The following SGCD variants were observed in gnomAD, a reference collection of about 807,000 sequenced individuals.
The protein encoded by SGCD is sarcoglycan delta.
SGCD carries 18 observed loss-of-function variants against 36.6 expected under a neutral mutation model. That is an observed-to-expected ratio of 0.49 (90% confidence interval 0.34 to 0.73). SGCD has a LOEUF of 0.73. SGCD is among the 30% of genes least tolerant of loss of function. The pLI, the probability that SGCD is intolerant of heterozygous loss-of-function variation, is 0.01. For missense variants in SGCD, 387 were observed against 346.7 expected (o/e 1.12, Z -0.92); for synonymous variants, 133 against 130.6 (o/e 1.02, Z -0.12).
chr5:156,126,563 T>G (rs1762177000), intron 3 of SGCD, among the ~76,000 whole-genome samples: 1 of 152,158 alleles, frequency 6.6e-6, no homozygotes, highest in Non-Finnish European at 1.5e-5. Flanking sequence ...GATGTGCCTG[T>G]GTCTGTTCAC....
intron 3 of SGCD, among the ~76,000 whole-genome samples, chr5:156,145,653 A>G (rs996577011): frequency 5.3e-5 from 8 of 152,210 alleles, no homozygotes; most frequent in Non-Finnish European, 1.0e-4. Flanking sequence ...AGTTCTAGTA[A>G]GTATTTGGTT....
chr5:156,597,376 G>A (rs1474212935), intron 6 of SGCD, among the ~76,000 whole-genome samples: 1 of 152,114 alleles, frequency 6.6e-6, no homozygotes, highest in Non-Finnish European at 1.5e-5. Flanking sequence ...CCAAATGGCT[G>A]GAGAGGCCTC....
intron 4 of SGCD, among the ~76,000 whole-genome samples, chr5:156,550,127 AAAC>A (rs1365075996): frequency 6.6e-6 from 1 of 152,202 alleles, no homozygotes; most frequent in Non-Finnish European, 1.5e-5. Context: ...TAAAACCAGG[AAAC>A]TCTTTTATAG....
the SGCD span, among the ~76,000 whole-genome samples, chr5:155,824,732 T>C: frequency 3.3e-5 from 5 of 152,290 alleles, no homozygotes; most frequent in South Asian, 6.2e-4. Flanking sequence ...CCCAGATGCA[T>C]TACTGTAGCT....
chr5:155,969,019 T>C lies in SGCD; in HGVS notation c.-282+98595T>C, dbSNP rs541619642. On this transcript the variant is annotated intron_variant, in intron 1 of 9. Coordinates refer to the SGCD transcript ENST00000517913. ...ACATACACATCTAGGTCATTCTTTT[T>C]AAGGGCTGATAATTCATCTGTTATG... Among the ~76,000 whole-genome samples the C allele has an allele frequency of 7.2e-5, 11 of 152,272 alleles. No individual in the cohort carries two copies. In the South Asian group the frequency reaches 2.3e-3, roughly 32 times the overall value.
chr5:155,938,977 T>C (rs1236212569), intron 1 of SGCD, among the ~76,000 whole-genome samples: 1 of 152,224 alleles, frequency 6.6e-6, no homozygotes, highest in Non-Finnish European at 1.5e-5. Context: ...TATGTGAAGC[T>C]GCACTAATAG....
chr5:155,991,724 TTTA>T (rs544157133), intron 1 of SGCD, among the ~76,000 whole-genome samples: 4 of 152,214 alleles, frequency 2.6e-5, no homozygotes, highest in Non-Finnish European at 4.4e-5. Context: ...ATTATCTCAG[TTTA>T]TTATTAGAAT....
the SGCD span, among the ~76,000 whole-genome samples, chr5:155,811,332 C>T: frequency 2.0e-5 from 3 of 152,068 alleles, no homozygotes; most frequent in Non-Finnish European, 4.4e-5. Flanking sequence ...AACTAGCACC[C>T]AGTTCCATGC....
At chr5:155,788,202 T>C in the SGCD span, among the ~76,000 whole-genome samples, 1 of 152,174 alleles carries the variant, frequency 6.6e-6, no homozygotes, top group Admixed American at 6.6e-5. Flanking sequence ...TCTCAAAACA[T>C]GGTTTTTAAT....
chr5:156,718,883 TTATA>T (rs536386490), intron 7 of SGCD, among the ~76,000 whole-genome samples: 7 of 150,500 alleles, frequency 4.7e-5, no homozygotes, highest in Admixed American at 1.3e-4. Flanking sequence ...ACGTATTATA[TTATA>T]TATATATAAA....
chr5:155,992,830 AT>A (rs1758460977), intron 1 of SGCD, among the ~76,000 whole-genome samples: 1 of 152,090 alleles, frequency 6.6e-6, no homozygotes, highest in Non-Finnish European at 1.5e-5. Flanking sequence ...ATGCCTTTTT[AT>A]TTTATGTATT....
chr5:155,864,053 G>A, the SGCD span, among the ~76,000 whole-genome samples: 1 of 152,138 alleles, frequency 6.6e-6, no homozygotes, highest in African/African-American at 2.4e-5. Flanking sequence ...CATGTGGGCT[G>A]CCCAAGGGAT....
At chr5:156,263,896 G>C (rs1359989919) in intron 3 of SGCD, among the ~76,000 whole-genome samples, 1 of 151,946 alleles carries the variant, frequency 6.6e-6, no homozygotes, top group Non-Finnish European at 1.5e-5. Flanking sequence ...AAGATCAGTT[G>C]GCTATAAGTA....
At chr5:156,322,720 C>T (rs931877151), upstream of SGCD, among the ~76,000 whole-genome samples, 1 of 151,962 alleles carries the variant, frequency 6.6e-6, no homozygotes, top group Non-Finnish European at 1.5e-5. Flanking sequence ...TCTTCAATCT[C>T]CTAAAGTGGA....
chr5:156,584,475 T>C (rs148088372), intron 4 of SGCD, among the ~76,000 whole-genome samples: 362 of 152,258 alleles, frequency 2.4e-3, no homozygotes, highest in Non-Finnish European at 3.9e-3. Context: ...AGAAGACAGA[T>C]GAAAATGTTA....
intron 1 of SGCD, among the ~76,000 whole-genome samples, chr5:155,937,389 T>C (rs1245864177): frequency 6.6e-6 from 1 of 152,166 alleles, no homozygotes; most frequent in Non-Finnish European, 1.5e-5. Flanking sequence ...TCCTAAAGCC[T>C]ACTTTCTCAA....
the SGCD span, among the ~76,000 whole-genome samples, chr5:155,829,505 C>T: frequency 2.0e-5 from 3 of 152,138 alleles, no homozygotes; most frequent in African/African-American, 7.2e-5. Flanking sequence ...AACTCCTGTG[C>T]AGAGAGTGAT....
At chr5:155,848,055 G>A in the SGCD span, among the ~76,000 whole-genome samples, 1 of 152,150 alleles carries the variant, frequency 6.6e-6, no homozygotes, top group Non-Finnish European at 1.5e-5. Flanking sequence ...AATTTTAGAT[G>A]ATTGAATGAA....
rs377332457 is a variant in SGCD, at chr5:156,564,202, C to A, written c.295-25029C>A. On this transcript the variant is annotated intron_variant, in intron 4 of 8. Coordinates refer to ENST00000337851, the MANE Select transcript of SGCD (RefSeq NM_000337.6). ...CAGTGGCTCATGCCTGTAATCCCAGCACTTTGGGAGGCCGAGGCAGGCTGA... is the reference window on the plus strand; with the variant it reads ...CAGTGGCTCATGCCTGTAATCCCAGAACTTTGGGAGGCCGAGGCAGGCTGA... 7.5e-4 allele frequency among the ~76,000 whole-genome samples: 114 copies of A among 152,276 alleles called. 1 individual carries two copies. The East Asian group carries it at 0.016, about 22-fold the overall frequency.
Sources: gnomAD v4.1 joint callset for allele counts (sites outside exome capture counted in the v4.1 genomes callset) on GRCh38, gnomAD v4.1.1 for gene constraint, MANE v1.5 for transcripts, NCBI Gene and HGNC (gene_info 2026-07-23, HGNC 2026-07-21) for gene names.